The following KATNA1 variants were observed in gnomAD, a reference collection of about 807,000 sequenced individuals.
KATNA1 encodes katanin catalytic subunit A1.
A neutral mutation model predicts 62.6 loss-of-function variants in KATNA1; 42 were observed. That is an observed-to-expected ratio of 0.67 (90% CI 0.52 to 0.87). The LOEUF (loss-of-function observed/expected upper bound fraction) is 0.87. Among genes scored for constraint, KATNA1 ranks in the 40% least tolerant of loss-of-function variants. The pLI, the probability that KATNA1 is intolerant of heterozygous loss-of-function variation, is 0.00. For synonymous variants in KATNA1, 186 were observed against 201.9 expected (o/e 0.92, Z 0.67); for missense variants, 498 against 612.5 (o/e 0.81, Z 1.97).
chr6:149,638,039 A>G (rs1780136650), intron 2 of KATNA1, among the ~76,000 whole-genome samples: 1 of 152,116 alleles, frequency 6.6e-6, no homozygotes, highest in East Asian at 1.9e-4. Flanking sequence ...GTAGTGGTAC[A>G]AGCATAGCTC....
chr6:149,623,184 A>G lies in KATNA1; in HGVS notation c.420T>C (p.Ser140=). The G allele has an allele frequency of 1.2e-6, 2 of 1,613,714 alleles. No individual in the cohort carries two copies. Among genetic ancestry groups the G allele is most frequent in the Non-Finnish European group, 1.7e-6 (2 of 1,179,672 alleles). Residue 140 remains serine (S), a synonymous_variant, in exon 4 of 11, where the codon TCT becomes TCC. Transcript: ENST00000367411. ...PSTTVRVHRS[S]AQNVHNDRGK... ...CTCTGTCATTGTGAACATTCTGTGCAGATGAACGGTGAACTCTGACAGTTG... is the reference window on the plus strand; with the variant it reads ...CTCTGTCATTGTGAACATTCTGTGCGGATGAACGGTGAACTCTGACAGTTG...
At chr6:149,607,217 G>A (rs1009075280) in intron 4 of KATNA1, among the ~76,000 whole-genome samples, 35 of 152,280 alleles carry the variant, frequency 2.3e-4, no homozygotes, top group African/African-American at 8.4e-4. Flanking sequence ...TGTTGTAATA[G>A]GACAGCCAAA....
chr6:149,642,030 G>A (rs1188491708), intron 1 of KATNA1, among the ~76,000 whole-genome samples: 1 of 152,146 alleles, frequency 6.6e-6, no homozygotes, highest in East Asian at 1.9e-4. Context: ...GGCCTCCCGA[G>A]TAGCTAGGAC....
intron 3 of KATNA1, among the ~76,000 whole-genome samples, chr6:149,630,202 T>C (rs1779777190): frequency 6.6e-6 from 1 of 152,246 alleles, no homozygotes; most frequent in Non-Finnish European, 1.5e-5. Flanking sequence ...TAGTGAACTA[T>C]TATGTACTAT....
intron 1 of KATNA1, 127 bp from the exon 2 acceptor site, chr6:149,638,687 T>G: frequency 3.8e-6 from 2 of 526,738 alleles, no homozygotes. Context: ...TTCCCATCTC[T>G]ATATGTGTGC....
chr6:149,609,411 G>A (rs1778859819), intron 4 of KATNA1, among the ~76,000 whole-genome samples: 1 of 152,118 alleles, frequency 6.6e-6, no homozygotes, highest in African/African-American at 2.4e-5. Context: ...ACTCAGGCCA[G>A]GTGTGGTGGC....
chr6:149,597,685 A>G (rs777344401), intron 8 of KATNA1, 44 bp from the exon 9 acceptor site: 3 of 1,558,956 alleles, frequency 1.9e-6, no homozygotes, highest in Non-Finnish European at 2.6e-6. Context: ...ATTAAGTTGG[A>G]TTATACCAAA....
At chr6:149,615,261 A>G (rs1582773904) in intron 4 of KATNA1, among the ~76,000 whole-genome samples, 2 of 149,868 alleles carry the variant, frequency 1.3e-5, no homozygotes, top group Non-Finnish European at 1.5e-5. Flanking sequence ...TGGGGGTGCA[A>G]TGGTGCAATC....
chr6:149,625,162 C>G (rs1779559467), intron 3 of KATNA1, among the ~76,000 whole-genome samples: 1 of 152,068 alleles, frequency 6.6e-6, no homozygotes, highest in South Asian at 2.1e-4. Flanking sequence ...AGCTAACTGC[C>G]AACAAGGATC....
chr6:149,627,955 G>A (rs1779682266), intron 3 of KATNA1, among the ~76,000 whole-genome samples: 1 of 151,930 alleles, frequency 6.6e-6, no homozygotes, highest in Non-Finnish European at 1.5e-5. Flanking sequence ...CATAGGGCTT[G>A]AAAGACATGA....
At chr6:149,633,091 T>C (rs962693776) in intron 2 of KATNA1, among the ~76,000 whole-genome samples, 175 bp from the exon 3 acceptor site, 9 of 149,338 alleles carry the variant, frequency 6.0e-5, no homozygotes, top group African/African-American at 2.2e-4. Flanking sequence ...ATTTATGTTT[T>C]CAATTGCAAT....
chr6:149,623,359 G>T, intron 3 of KATNA1, 76 bp from the exon 4 acceptor site: 1 of 1,053,280 alleles, frequency 9.5e-7, no homozygotes, highest in Non-Finnish European at 1.3e-6. Flanking sequence ...TAAGTTAAGA[G>T]TCTATGAACT....
chr6:149,595,318 T>A (rs1166298825), intron 10 of KATNA1, 84 bp from the exon 11 acceptor site: 2 of 999,248 alleles, frequency 2.0e-6, no homozygotes, highest in Admixed American at 4.8e-5. Flanking sequence ...AATTTTCAAT[T>A]GATCTGTTGT....
At chr6:149,605,437 G>A (rs1778702142) in intron 4 of KATNA1, among the ~76,000 whole-genome samples, 1 of 152,112 alleles carries the variant, frequency 6.6e-6, no homozygotes, top group South Asian at 2.1e-4. Context: ...CCAAGACTAT[G>A]GCTCAATCTT....
chr6:149,598,169 G>C, intron 8 of KATNA1, 55 bp downstream of exon 8: 1 of 1,596,738 alleles, frequency 6.3e-7, no homozygotes, highest in South Asian at 1.1e-5. Context: ...TGGAACTGGA[G>C]ACACCACACC....
At chr6:149,598,033 C>T (rs904975803) in intron 8 of KATNA1, 191 bp downstream of exon 8, 2 of 573,576 alleles carry the variant, frequency 3.5e-6, no homozygotes, top group Non-Finnish European at 6.0e-6. Context: ...GACTTGTCAC[C>T]ACTGTCAGTG....
At position 149,597,644 on chromosome 6, in the gene KATNA1, A is replaced by G. The variant is rs1778379510; in HGVS notation, c.1016-3T>C. ...ATTTTCAGAAGTACCTCCAACACCT[A>G]AAATAAGGGTAAGGGGAGAGTGAAA... On this transcript the variant is annotated splice_region_variant and splice_polypyrimidine_tract_variant and intron_variant, in intron 8 of 10. Coordinates refer to ENST00000367411, the MANE Select transcript of KATNA1 (RefSeq NM_007044.4). The G allele has an allele frequency of 6.2e-7, 1 of 1,612,886 alleles. No individual in the cohort carries two copies. Among genetic ancestry groups the G allele is most frequent in the African/African-American group, 1.3e-5 (1 of 74,902 alleles).
rs564689398 is a variant in KATNA1, at chr6:149,598,412, A to G, written c.889-62T>C. ...CTATTATTTCATTTTAAAATAATCT[A>G]CAGATTAGCAATCAGAAAATAGCTG... On this transcript the variant is annotated intron_variant, in intron 7 of 10. Transcript: ENST00000367411. 1.2e-4 allele frequency: 183 copies of G among 1,539,876 alleles called. 1 individual carries two copies. In the South Asian group the frequency reaches 2.0e-3, roughly 17 times the overall value.
intron 4 of KATNA1, among the ~76,000 whole-genome samples, chr6:149,618,675 T>C (rs1779277025): frequency 6.6e-6 from 1 of 152,042 alleles, no homozygotes; most frequent in Non-Finnish European, 1.5e-5. Flanking sequence ...CGGAAATCCA[T>C]GTATTTACAG....
Sources: allele counts gnomAD v4.1 joint callset (sites outside exome capture counted in the v4.1 genomes callset), GRCh38; gene constraint gnomAD v4.1.1; transcripts MANE v1.5; gene names NCBI Gene and HGNC (gene_info 2026-07-23, HGNC 2026-07-21).